Variants in TBX15 observed in about 807,000 individuals in gnomAD.
TBX15 encodes the protein T-box transcription factor TBX15.
Under a neutral mutation model 53.9 loss-of-function variants are expected in TBX15, and 18 were observed. The observed-to-expected ratio is 0.33, with a 90% CI of 0.23 to 0.49. The LOEUF is 0.49. Ranked by LOEUF, TBX15 falls within the 20% of genes least tolerant of loss-of-function variation. TBX15 has a pLI of 0.98. For synonymous variants in TBX15, 295 were observed against 278.0 expected (o/e 1.06, Z -0.61); for missense variants, 692 against 749.5 (o/e 0.92, Z 0.90).
chr1:118,952,066 T>C (rs1238648451), intron 1 of TBX15, among the ~76,000 whole-genome samples: 1 of 152,046 alleles, frequency 6.6e-6, no homozygotes, highest in Non-Finnish European at 1.5e-5. Context: ...AACCAACCCC[T>C]CCTCTTCCTC....
intron 1 of TBX15, among the ~76,000 whole-genome samples, chr1:118,984,378 C>T (rs1657749532): frequency 6.6e-6 from 1 of 152,256 alleles, no homozygotes; most frequent in Non-Finnish European, 1.5e-5. Context: ...CGCGGGAGAC[C>T]CGGCTTCGGC....
At chr1:118,959,397 A>G (rs1165315425) in intron 1 of TBX15, among the ~76,000 whole-genome samples, 1 of 152,230 alleles carries the variant, frequency 6.6e-6, no homozygotes, top group African/African-American at 2.4e-5. Flanking sequence ...GCAGCTGAAC[A>G]TGAAATGTAC....
rs759722993 is a variant in TBX15 at position 118,926,621 on chromosome 1, TG to T, written c.420-11del. ...GGCAGGAAACATCCTCCTATGAAGA[TG>T]AATAAAACAGAAAGCTCAGAAATCA... is the stretch of plus-strand genomic sequence containing the variant. On this transcript the variant is annotated splice_polypyrimidine_tract_variant and intron_variant, in intron 2 of 7. Coordinates refer to ENST00000369429, the MANE Select transcript of TBX15 (RefSeq NM_001330677.2). The T allele has an allele frequency of 6.2e-7, 1 of 1,610,606 alleles. No homozygotes were observed. The highest frequency in any genetic ancestry group is 2.2e-5 in the East Asian group (1 of 44,830).
chr1:118,976,432 A>C (rs1425932265), intron 1 of TBX15, among the ~76,000 whole-genome samples: 3 of 152,216 alleles, frequency 2.0e-5, no homozygotes, highest in Non-Finnish European at 2.9e-5. Context: ...TTACAGACAA[A>C]GAATGAATCC....
chr1:118,920,039 A>C (rs939897431), intron 5 of TBX15, among the ~76,000 whole-genome samples: 1 of 152,182 alleles, frequency 6.6e-6, no homozygotes, highest in African/African-American at 2.4e-5. Context: ...AAAATCATCA[A>C]TTTGTAAATG....
chr1:118,989,268 C>CT (rs1278081339), upstream of TBX15: 1 of 152,310 alleles, frequency 6.6e-6, no homozygotes, highest in Non-Finnish European at 1.5e-5. Flanking sequence ...CGCCCCCTGC[C>CT]TTTTGCGATC....
chr1:118,957,853 T>G (rs900120404), intron 1 of TBX15, among the ~76,000 whole-genome samples: 51 of 152,340 alleles, frequency 3.3e-4, no homozygotes, highest in African/African-American at 1.1e-3. Context: ...TGCCACATTT[T>G]CTTAATGCAG....
intron 5 of TBX15, among the ~76,000 whole-genome samples, chr1:118,917,217 A>C (rs1655267011): frequency 6.6e-6 from 1 of 152,236 alleles, no homozygotes; most frequent in Non-Finnish European, 1.5e-5. Context: ...ATACATATAC[A>C]TCATGGAATA....
chr1:118,980,184 G>A (rs977439785), intron 1 of TBX15, among the ~76,000 whole-genome samples: 1 of 152,188 alleles, frequency 6.6e-6, no homozygotes, highest in Admixed American at 6.5e-5. Flanking sequence ...ATTGGGGGAG[G>A]GGAAGTGAGT....
intron 1 of TBX15, 134 bp from the exon 2 acceptor site, chr1:118,931,966 TC>T: frequency 1.3e-6 from 1 of 784,142 alleles, no homozygotes; most frequent in Non-Finnish European, 2.0e-6. Flanking sequence ...GCTGGGAAGC[TC>T]CAGAGCACAG....
In TBX15 at chr1:118,975,818, G is replaced by C. The variant is rs141961744; in HGVS notation, c.205+11773C>G. On this transcript the variant is annotated intron_variant, in intron 1 of 7. Transcript: ENST00000369429. ...CAAAGACAATGCTTGGAAAATTGGA[G>C]AAGTATAGTAACATCTGTCTTGGAG... Among the ~76,000 whole-genome samples, 34 of 152,334 alleles carry C rather than the reference G, an allele frequency of 2.2e-4. No individual in the cohort carries two copies. The East Asian group carries it at 5.4e-3, about 24-fold the overall frequency.
At chr1:118,899,920 A>C (rs1299623820) in intron 6 of TBX15, among the ~76,000 whole-genome samples, 4 of 152,144 alleles carry the variant, frequency 2.6e-5, no homozygotes, top group Admixed American at 1.3e-4. Context: ...AAATTGGACT[A>C]TGTGCATACT....
intron 7 of TBX15, among the ~76,000 whole-genome samples, chr1:118,886,825 T>C (rs1006802266): frequency 3.3e-5 from 5 of 152,222 alleles, no homozygotes; most frequent in African/African-American, 1.2e-4. Flanking sequence ...GAGACCACAC[T>C]TTGGGTTAGA....
intron 1 of TBX15, among the ~76,000 whole-genome samples, chr1:118,958,336 AC>A (rs1450681301): frequency 1.3e-5 from 2 of 152,140 alleles, no homozygotes; most frequent in Non-Finnish European, 2.9e-5. Flanking sequence ...TTGACCTGGG[AC>A]TTTTAGCCTT....
At chr1:118,916,873 A>G (rs1408319989) in intron 5 of TBX15, among the ~76,000 whole-genome samples, 3 of 152,104 alleles carry the variant, frequency 2.0e-5, no homozygotes, top group Admixed American at 2.0e-4. Flanking sequence ...CTCCAAAAAA[A>G]ATAAAGAAAT....
At chr1:118,923,708 G>T in intron 4 of TBX15, 105 bp from the exon 5 acceptor site, 1 of 1,339,196 alleles carries the variant, frequency 7.5e-7, no homozygotes, top group Non-Finnish European at 1.1e-6. Context: ...GAAAAGCACA[G>T]ATTGGAGGTG....
Position 118,956,273 on chromosome 1 carries a change from GA to G in TBX15, c.206-24442del, listed in dbSNP as rs35125493. ...AATCTTGAATTAGATCTTAGATTAG[GA>G]AAAAAAAATACTAGTACTGGATATT... On this transcript the variant is annotated intron_variant, in intron 1 of 7. Coordinates refer to ENST00000369429, the MANE Select transcript of TBX15 (RefSeq NM_001330677.2). Among the ~76,000 whole-genome samples the G allele has an allele frequency of 4.8e-4, 72 of 149,898 alleles. No individual in the cohort carries two copies. In the Middle Eastern group the frequency reaches 0.01, roughly 22 times the overall value.
chr1:118,978,039 C>G (rs556852697), intron 1 of TBX15, among the ~76,000 whole-genome samples: 2 of 152,288 alleles, frequency 1.3e-5, no homozygotes, highest in African/African-American at 4.8e-5. Context: ...AGAAAATGTT[C>G]AAAGCATAAA....
chr1:118,975,545 C>T (rs1225378900), intron 1 of TBX15, among the ~76,000 whole-genome samples: 2 of 152,192 alleles, frequency 1.3e-5, no homozygotes, highest in Non-Finnish European at 2.9e-5. Flanking sequence ...TCTGGTGCCA[C>T]GCAGGGCTGA....
Sources: allele counts gnomAD v4.1 joint callset (sites outside exome capture counted in the v4.1 genomes callset), GRCh38; gene constraint gnomAD v4.1.1; transcripts MANE v1.5; gene names NCBI Gene and HGNC (gene_info 2026-07-23, HGNC 2026-07-21).